Variants in STIM1 observed in about 807,000 individuals in gnomAD.
STIM1 encodes the protein stromal interaction molecule 1.
Under a neutral mutation model 74.7 loss-of-function variants are expected in STIM1, and 25 were observed. The observed-to-expected ratio is 0.33, with a 90% CI of 0.24 to 0.47. The LOEUF (loss-of-function observed/expected upper bound fraction) is 0.47. Among genes scored for constraint, STIM1 ranks in the 20% least tolerant of loss-of-function variants. The pLI is 1.00. For missense variants in STIM1, 728 were observed against 920.8 expected, an observed-to-expected ratio of 0.79 and a Z score of 2.71; for synonymous variants, 328 against 348.8, an observed-to-expected ratio of 0.94 and a Z score of 0.66.
At chr11:4,074,711 G>T in intron 7 of STIM1, 32 bp downstream of exon 7, 1 of 1,551,038 alleles carries the variant, frequency 6.4e-7, no homozygotes, top group South Asian at 1.2e-5. Flanking sequence ...TGGACACCTT[G>T]ACGGGTGGGT....
At chr11:3,864,751 C>G (rs1296797112) in intron 1 of STIM1, among the ~76,000 whole-genome samples, 1 of 152,180 alleles carries the variant, frequency 6.6e-6, no homozygotes, top group Non-Finnish European at 1.5e-5. Context: ...TTAAAGGATG[C>G]CTCTGAGATT....
At chr11:4,004,868 A>G (rs995442920) in intron 2 of STIM1, among the ~76,000 whole-genome samples, 1 of 152,222 alleles carries the variant, frequency 6.6e-6, no homozygotes, top group Non-Finnish European at 1.5e-5. Context: ...AGAATCTACA[A>G]TGAACTTAAA....
chr11:4,059,063 G>A, intron 4 of STIM1: 1 of 837,486 alleles, frequency 1.2e-6, no homozygotes, highest in Non-Finnish European at 1.7e-6. Context: ...TTAGAAGTTG[G>A]TGGATATGGG....
chr11:3,971,530 A>G (rs952720849), intron 2 of STIM1, among the ~76,000 whole-genome samples: 2 of 151,202 alleles, frequency 1.3e-5, no homozygotes, highest in Non-Finnish European at 2.9e-5. Flanking sequence ...CTCTGTCTCA[A>G]AAACAAAAAA....
chr11:4,028,959 A>G (rs947367915), intron 3 of STIM1, among the ~76,000 whole-genome samples: 11 of 151,892 alleles, frequency 7.2e-5, no homozygotes, highest in Non-Finnish European at 1.6e-4. Flanking sequence ...AGGCTGAGGC[A>G]GGCAGATCAT....
intron 1 of STIM1, among the ~76,000 whole-genome samples, chr11:3,899,686 A>G (rs1450401323): frequency 1.3e-5 from 2 of 150,734 alleles, no homozygotes; most frequent in African/African-American, 2.5e-5. Flanking sequence ...TTTGAGATAC[A>G]TCCCATCAAT....
intron 1 of STIM1, among the ~76,000 whole-genome samples, chr11:3,926,101 C>T (rs141659794): frequency 5.3e-5 from 8 of 152,086 alleles, no homozygotes; most frequent in South Asian, 4.2e-4. Context: ...TATCTTTAAC[C>T]TATGGGGGTT....
intron 2 of STIM1, among the ~76,000 whole-genome samples, chr11:3,985,688 A>G (rs1421269714): frequency 6.6e-6 from 1 of 152,258 alleles, no homozygotes; most frequent in Non-Finnish European, 1.5e-5. Flanking sequence ...AAGCTAGCAG[A>G]GAGAGAAAAG....
chr11:4,043,442 G>T (rs1341844148), intron 3 of STIM1, among the ~76,000 whole-genome samples: 1 of 152,158 alleles, frequency 6.6e-6, no homozygotes, highest in Admixed American at 6.5e-5. Flanking sequence ...TAAGTAGTCT[G>T]TGGGGGTAAG....
intron 12 of STIM1, chr11:4,089,058 C>T (rs1274148631): frequency 2.7e-5 from 8 of 295,452 alleles, no homozygotes; most frequent in Non-Finnish European, 2.7e-5. Context: ...AAAGTGAGAC[C>T]CTGTCTCTAC....
rs376412534 is a variant in STIM1, at chr11:3,965,780, C to T, written c.140-1772C>T. On this transcript the variant is annotated intron_variant, in intron 1 of 12. Coordinates refer to ENST00000526596, the MANE Select transcript of STIM1 (RefSeq NM_001382567.1). ...CAGCACTTCGGGAGGCCGAGGTGGG[C>T]GGATCACTTGAGGTCAGGACTTCGA... is the stretch of plus-strand genomic sequence containing the variant. 1.6e-4 allele frequency among the ~76,000 whole-genome samples: 25 copies of T among 152,078 alleles called. No homozygotes were observed. The East Asian group carries it at 3.9e-3, about 24-fold the overall frequency.
rs1194284003 is a variant in STIM1 at position 3,927,635 on chromosome 11, G to A, written c.140-39917G>A. Among the ~76,000 whole-genome samples, 8 of 152,194 alleles carry A rather than the reference G, an allele frequency of 5.3e-5. No individual in the cohort carries two copies. The East Asian group carries it at 1.3e-3, about 26-fold the overall frequency. On this transcript the variant is annotated intron_variant, in intron 1 of 12. Transcript: ENST00000526596. ...GGGTGCAGTGATGGTGGTGCAGGTAGCAAATTGAGTTCCTGGGGCAGCAGG... is the reference window on the plus strand; with the variant it reads ...GGGTGCAGTGATGGTGGTGCAGGTAACAAATTGAGTTCCTGGGGCAGCAGG...
At chr11:3,991,529 T>C (rs2093611235) in intron 2 of STIM1, among the ~76,000 whole-genome samples, 1 of 152,100 alleles carries the variant, frequency 6.6e-6, no homozygotes. Context: ...TTGTGAATAG[T>C]GCTGCAGTGA....
intron 1 of STIM1, among the ~76,000 whole-genome samples, chr11:3,880,994 G>C (rs771967703): frequency 5.9e-5 from 9 of 151,808 alleles, no homozygotes; most frequent in Non-Finnish European, 8.8e-5. Flanking sequence ...CAGGATGGGA[G>C]AGCAGGCTTC....
intron 10 of STIM1, among the ~76,000 whole-genome samples, chr11:4,084,136 A>G (rs1009943170): frequency 6.6e-6 from 1 of 152,176 alleles, no homozygotes; most frequent in Non-Finnish European, 1.5e-5. Flanking sequence ...AGTAGAGCAG[A>G]GCCAAAAGGA....
intron 1 of STIM1, among the ~76,000 whole-genome samples, chr11:3,960,193 A>G (rs2093270735): frequency 6.6e-6 from 1 of 152,218 alleles, no homozygotes; most frequent in Admixed American, 6.5e-5. Flanking sequence ...AGTTGAAAGA[A>G]TACTTGATAG....
At chr11:4,004,241 A>G (rs185871821) in intron 2 of STIM1, among the ~76,000 whole-genome samples, 7,142 of 149,536 alleles carry the variant, frequency 0.048, 525 homozygotes, top group African/African-American at 0.16. Flanking sequence ...AAAAAACTAA[A>G]GTTCATATGG....
chr11:4,031,442 A>G (rs2094049394), intron 3 of STIM1, among the ~76,000 whole-genome samples: 1 of 152,188 alleles, frequency 6.6e-6, no homozygotes, highest in Non-Finnish European at 1.5e-5. Context: ...TATGGTAGGT[A>G]TATGTTTTTA....
chr11:4,062,545 C>T (rs1213141657), intron 5 of STIM1, among the ~76,000 whole-genome samples: 3 of 152,178 alleles, frequency 2.0e-5, no homozygotes, highest in African/African-American at 7.2e-5. Context: ...TTGCTGAAAC[C>T]TGGGAGGCAG....
Sources: allele counts gnomAD v4.1 joint callset (sites outside exome capture counted in the v4.1 genomes callset), GRCh38; gene constraint gnomAD v4.1.1; transcripts MANE v1.5; gene names NCBI Gene and HGNC (gene_info 2026-07-23, HGNC 2026-07-21).